The following ADGB variants were observed in gnomAD, a reference collection of about 807,000 sequenced individuals.
The protein encoded by ADGB is calpain-7-like protein.
ADGB carries 172 observed loss-of-function variants against 210.5 expected under a neutral mutation model. That is an observed-to-expected ratio of 0.82 (90% CI 0.72 to 0.93). ADGB has a LOEUF of 0.93. Among genes scored for constraint, ADGB ranks in the 40% least tolerant of loss-of-function variants. The pLI, the probability that ADGB is intolerant of heterozygous loss-of-function variation, is 0.00. For missense variants in ADGB, 2,025 were observed against 1,964.8 expected, an observed-to-expected ratio of 1.03 and a Z score of -0.58; for synonymous variants, 658 against 662.7, an observed-to-expected ratio of 0.99 and a Z score of 0.11.
intron 1 of ADGB, among the ~76,000 whole-genome samples, chr6:146,607,161 T>C (rs939386866): frequency 1.8e-4 from 27 of 152,222 alleles, no homozygotes; most frequent in African/African-American, 6.0e-4. Context: ...TTGTGGCTAC[T>C]GTGAATGGGA....
chr6:146,725,613 A>C (rs1230975628), intron 18 of ADGB: 1 of 152,412 alleles, frequency 6.6e-6, no homozygotes, highest in East Asian at 1.9e-4. Context: ...TGGCTGCTCT[A>C]AATGCTCAAT....
At chr6:146,600,305 C>T (rs537730704) in intron 1 of ADGB, 8 of 229,036 alleles carry the variant, frequency 3.5e-5, no homozygotes, top group South Asian at 2.1e-4. Flanking sequence ...GTCTTTTCAG[C>T]GTTGTCTAAT....
At chr6:146,670,351 A>G (rs553344759) in intron 7 of ADGB, among the ~76,000 whole-genome samples, 1 of 152,282 alleles carries the variant, frequency 6.6e-6, no homozygotes, top group African/African-American at 2.4e-5. Context: ...ATCACTGACC[A>G]CATCAATGTC....
chr6:146,780,746 G>A (rs1007341139), intron 29 of ADGB, among the ~76,000 whole-genome samples: 2 of 152,130 alleles, frequency 1.3e-5, no homozygotes, highest in East Asian at 1.9e-4. Context: ...AACAATAATC[G>A]TTGGAAACTT....
At chr6:146,639,992 A>G (rs1427644321) in intron 2 of ADGB, among the ~76,000 whole-genome samples, 2 of 151,926 alleles carry the variant, frequency 1.3e-5, no homozygotes, top group Non-Finnish European at 2.9e-5. Flanking sequence ...TTTTGAAAAA[A>G]TTAATAAAAT....
intron 29 of ADGB, among the ~76,000 whole-genome samples, chr6:146,779,350 T>C (rs1777766214): frequency 6.6e-6 from 1 of 152,100 alleles, no homozygotes; most frequent in African/African-American, 2.4e-5. Context: ...CATACCAGCA[T>C]GTACATAATG....
At chr6:146,782,773 A>G (rs1052474806) in intron 30 of ADGB, among the ~76,000 whole-genome samples, 11 of 152,106 alleles carry the variant, frequency 7.2e-5, no homozygotes, top group African/African-American at 2.7e-4. Flanking sequence ...AAACTCCTTC[A>G]GGGCCAGTTA....
chr6:146,643,176 T>C (rs1035417652), intron 2 of ADGB, among the ~76,000 whole-genome samples: 2 of 151,330 alleles, frequency 1.3e-5, no homozygotes, highest in Non-Finnish European at 2.9e-5. Flanking sequence ...TGCCTGGATA[T>C]TGACGTACAT....
chr6:146,678,607 CCT>C (rs1221580054), intron 9 of ADGB, among the ~76,000 whole-genome samples: 3 of 152,012 alleles, frequency 2.0e-5, no homozygotes, highest in East Asian at 1.9e-4. Context: ...ATAAAGAACC[CCT>C]GTTTTATTAA....
intron 4 of ADGB, 66 bp downstream of exon 4, chr6:146,654,272 CCAGA>C: frequency 2.7e-6 from 3 of 1,095,948 alleles, no homozygotes; most frequent in Non-Finnish European, 3.9e-6. Flanking sequence ...TAAACCATTC[CCAGA>C]CAGTCGATTT....
chr6:146,665,623 T>A (rs1298411825), intron 6 of ADGB, among the ~76,000 whole-genome samples: 1 of 152,124 alleles, frequency 6.6e-6, no homozygotes, highest in Non-Finnish European at 1.5e-5. Context: ...TTCTTAAAGC[T>A]GTAGTTCAGT....
At chr6:146,800,069 A>T (rs985650938) in intron 33 of ADGB, among the ~76,000 whole-genome samples, 2 of 152,040 alleles carry the variant, frequency 1.3e-5, no homozygotes, top group Non-Finnish European at 1.5e-5. Flanking sequence ...TGGCCTCCCA[A>T]AGTGTTGGGA....
rs1341252561 is a variant in ADGB, at chr6:146,782,061, C to G, written c.3904C>G (p.Pro1302Ala). Residue 1302 changes from proline (P) to alanine (A), a missense_variant, in exon 30 of 36, where the codon CCA becomes GCA. Transcript: ENST00000397944. ...CGAGGAGTTAATTAACTTAGGAAGC[C>G]CAGACTCCCACACTATTAGTGAGGG... Reference protein sequence around the residue: ...RHEELINLGSPDSHTISEGQK... With the variant: ...RHEELINLGSADSHTISEGQK... 1 of 1,520,628 alleles carries G rather than the reference C, an allele frequency of 6.6e-7. No homozygotes were observed. Among genetic ancestry groups the G allele is most frequent in the Non-Finnish European group, 8.8e-7 (1 of 1,137,030 alleles). 94.2% of individuals were successfully genotyped at this position (1,520,628 alleles called of 1,614,324 possible). A position where few individuals can be genotyped will look rare whatever the true frequency, so the allele number is the denominator to read the frequency against.
chr6:146,747,672 C>T (rs1304115022), intron 26 of ADGB, among the ~76,000 whole-genome samples: 2 of 151,682 alleles, frequency 1.3e-5, no homozygotes, highest in African/African-American at 4.8e-5. Flanking sequence ...CAAGGGGACT[C>T]TTTAAAGGAT....
chr6:146,670,587 C>T (rs1775993017), intron 7 of ADGB, among the ~76,000 whole-genome samples: 1 of 152,144 alleles, frequency 6.6e-6, no homozygotes, highest in African/African-American at 2.4e-5. Context: ...CTAAGTTATT[C>T]CTTCCCCAAG....
At chr6:146,695,225 T>A (rs191741566) in intron 12 of ADGB, among the ~76,000 whole-genome samples, 3 of 152,320 alleles carry the variant, frequency 2.0e-5, no homozygotes, top group Admixed American at 6.5e-5. Context: ...TTCATAGTAC[T>A]AATGATGTCT....
rs1776934864 is a variant in ADGB, at chr6:146,728,693, C to G, written c.2472C>G (p.His824Gln). 1.9e-6 allele frequency: 3 copies of G among 1,551,302 alleles called. No individual in the cohort carries two copies. Among genetic ancestry groups the G allele is most frequent in the Non-Finnish European group, 2.6e-6 (3 of 1,146,800 alleles). ...CTTTGAAGGATCTGCAAACAGCTCA[C>G]TACCCTGTCCCCTTCCATGATAAAG... is the stretch of plus-strand genomic sequence containing the variant. ...SAALKDLQTA[H>Q]YPVPFHDKEL... Residue 824 changes from histidine (H) to glutamine (Q), a missense_variant, in exon 20 of 36, where the codon CAC becomes CAG. Transcript: ENST00000397944.
intron 16 of ADGB, 27 bp from the exon 17 acceptor site, chr6:146,721,370 ATTAAGT>A: frequency 7.7e-7 from 1 of 1,304,570 alleles, no homozygotes; most frequent in African/African-American, 1.5e-5. Flanking sequence ...ATGAACTGAT[ATTAAGT>A]ATGACAACTG....
At chr6:146,717,411 C>T in intron 15 of ADGB, 125 bp from the exon 16 acceptor site, 1 of 556,610 alleles carries the variant, frequency 1.8e-6, no homozygotes, top group East Asian at 3.3e-5. Flanking sequence ...TTTAGGGCAA[C>T]TGACCCAATA....
Sources: allele counts gnomAD v4.1 joint callset (sites outside exome capture counted in the v4.1 genomes callset), GRCh38; gene constraint gnomAD v4.1.1; transcripts MANE v1.5; gene names NCBI Gene and HGNC (gene_info 2026-07-23, HGNC 2026-07-21).